PLXNA4: variants seen among roughly 807,000 people sequenced by gnomAD.
PLXNA4 encodes plexin A4, also known as plexin-A4.
In PLXNA4, 44 loss-of-function variants were observed where a neutral mutation model predicts 191.8. The observed-to-expected ratio is 0.23, with a 90% confidence interval of 0.18 to 0.29. PLXNA4 has a LOEUF of 0.29. PLXNA4 is among the 10% of genes least tolerant of loss of function. The pLI, the probability that PLXNA4 is intolerant of heterozygous loss-of-function variation, is 1.00. For synonymous variants in PLXNA4, 1,082 were observed against 1,009.5 expected (o/e 1.07, Z -1.36); for missense variants, 1,800 against 2,488.8 (o/e 0.72, Z 5.89).
chr7:132,599,259 T>C (rs1253686924), intron 2 of PLXNA4, among the ~76,000 whole-genome samples: 1 of 152,226 alleles, frequency 6.6e-6, no homozygotes, highest in Non-Finnish European at 1.5e-5. Context: ...AGTAGATGCA[T>C]TGAGCTCTGT....
At chr7:132,543,124 C>T (rs926233925) in intron 1 of PLXNA4, among the ~76,000 whole-genome samples, 2 of 152,134 alleles carry the variant, frequency 1.3e-5, no homozygotes, top group African/African-American at 4.8e-5. Flanking sequence ...AGGTATCTTC[C>T]TCCAGATAGT....
At chr7:132,491,009 C>G (rs1797774796) in intron 2 of PLXNA4, among the ~76,000 whole-genome samples, 1 of 152,110 alleles carries the variant, frequency 6.6e-6, no homozygotes, top group African/African-American at 2.4e-5. Flanking sequence ...GCCCTCGGCA[C>G]TCCCCACAAG....
At chr7:132,337,028 C>T (rs1477270261) in intron 3 of PLXNA4, among the ~76,000 whole-genome samples, 1 of 152,240 alleles carries the variant, frequency 6.6e-6, no homozygotes. Flanking sequence ...TCTCTCAATC[C>T]ACTTTGCTGT....
intron 2 of PLXNA4, among the ~76,000 whole-genome samples, chr7:132,506,424 A>G (rs1798466777): frequency 6.6e-6 from 1 of 152,214 alleles, no homozygotes; most frequent in South Asian, 2.1e-4. Flanking sequence ...CAATGGATAC[A>G]TTTTCCTTTC....
chr7:132,211,688 G>T (rs1797806730), intron 9 of PLXNA4, among the ~76,000 whole-genome samples: 1 of 152,174 alleles, frequency 6.6e-6, no homozygotes, highest in Non-Finnish European at 1.5e-5. Flanking sequence ...TCTGGAATGG[G>T]CCCCAGAGGC....
intron 3 of PLXNA4, among the ~76,000 whole-genome samples, chr7:132,321,851 G>A (rs1802180902): frequency 6.6e-6 from 1 of 152,120 alleles, no homozygotes; most frequent in Non-Finnish European, 1.5e-5. Flanking sequence ...AGTTTCTGGG[G>A]AGGAGGGAAG....
chr7:132,384,377 G>A (rs1221793388), intron 3 of PLXNA4: 1 of 985,494 alleles, frequency 1.0e-6, no homozygotes, highest in African/African-American at 1.7e-5. Context: ...AGGAGCACAT[G>A]ACACCAAGTG....
At chr7:132,161,870 T>C (rs1476575554) in intron 24 of PLXNA4, among the ~76,000 whole-genome samples, 1 of 152,150 alleles carries the variant, frequency 6.6e-6, no homozygotes, top group Non-Finnish European at 1.5e-5. Flanking sequence ...AGTGGGCTTC[T>C]AGGTAGGCAT....
At chr7:132,566,532 T>C (rs951061529) in intron 1 of PLXNA4, among the ~76,000 whole-genome samples, 1 of 152,200 alleles carries the variant, frequency 6.6e-6, no homozygotes, top group Non-Finnish European at 1.5e-5. Flanking sequence ...TGTGTCTTAA[T>C]AACTCAAGCT....
chr7:132,159,919 G>A (rs573717397), intron 24 of PLXNA4, among the ~76,000 whole-genome samples: 16 of 152,300 alleles, frequency 1.1e-4, no homozygotes, highest in South Asian at 2.1e-4. Flanking sequence ...TTTTCAAAGG[G>A]ACAATGCCCA....
chr7:132,400,691 C>T (rs1793949538), intron 3 of PLXNA4, among the ~76,000 whole-genome samples: 1 of 152,138 alleles, frequency 6.6e-6, no homozygotes, highest in African/African-American at 2.4e-5. Flanking sequence ...ACTTCCTAGC[C>T]TCACCAGCGT....
intron 4 of PLXNA4, among the ~76,000 whole-genome samples, chr7:132,292,780 G>A (rs1386960838): frequency 2.0e-5 from 3 of 152,150 alleles, no homozygotes; most frequent in Admixed American, 6.5e-5. Context: ...GCAGCAGAAG[G>A]GAGTAAACAA....
intron 3 of PLXNA4, among the ~76,000 whole-genome samples, chr7:132,334,483 C>G (rs1313189845): frequency 6.6e-6 from 1 of 151,882 alleles, no homozygotes. Flanking sequence ...GTCTCAAACT[C>G]CTGGCCCCAA....
intron 30 of PLXNA4, among the ~76,000 whole-genome samples, chr7:132,139,719 G>T (rs558730171): frequency 1.3e-5 from 2 of 152,216 alleles, no homozygotes; most frequent in African/African-American, 4.8e-5. Flanking sequence ...AAGTAGGAAG[G>T]TTATTTGGGA....
At chr7:132,560,291 G>A (rs574675143) in intron 1 of PLXNA4, among the ~76,000 whole-genome samples, 14 of 152,188 alleles carry the variant, frequency 9.2e-5, no homozygotes, top group South Asian at 2.1e-4. Flanking sequence ...TTGCTCTATA[G>A]CACTCTGGGT....
rs578182831 is a variant in PLXNA4 at position 132,362,388 on chromosome 7, C to T, written c.1372-64166G>A. Reference sequence around the variant, plus strand: ...TGGTGTAACTAGCCCCCTTGCTCTCCAAAGAGGAACACACGCTTTCTATGC... The same window carrying T: ...TGGTGTAACTAGCCCCCTTGCTCTCTAAAGAGGAACACACGCTTTCTATGC... On this transcript the variant is annotated intron_variant, in intron 3 of 31. Coordinates refer to ENST00000321063, the MANE Select transcript of PLXNA4 (RefSeq NM_020911.2). Among the ~76,000 whole-genome samples, 28 of 152,306 alleles carry T rather than the reference C, an allele frequency of 1.8e-4. No homozygotes were observed. The South Asian group carries it at 5.8e-3, about 32-fold the overall frequency.
chr7:132,510,055 C>G (rs1380651738), intron 1 of PLXNA4, among the ~76,000 whole-genome samples: 4 of 152,228 alleles, frequency 2.6e-5, no homozygotes, highest in Admixed American at 2.6e-4. Context: ...ACTCCCCATC[C>G]TGAGGGTCTC....
intron 3 of PLXNA4, chr7:132,485,046 G>A (rs1563126407): frequency 1.2e-6 from 2 of 1,600,692 alleles, no homozygotes; most frequent in East Asian, 4.5e-5. Flanking sequence ...TTTTAAAACA[G>A]GCTTGAGAAA....
At chr7:132,209,599 G>C (rs1034412977) in intron 10 of PLXNA4, among the ~76,000 whole-genome samples, 4 of 152,184 alleles carry the variant, frequency 2.6e-5, no homozygotes, top group African/African-American at 9.7e-5. Context: ...GGGTTTCAGA[G>C]GTTGTGAGAG....
Sources: gnomAD v4.1 joint callset for allele counts (sites outside exome capture counted in the v4.1 genomes callset) on GRCh38, gnomAD v4.1.1 for gene constraint, MANE v1.5 for transcripts, NCBI Gene and HGNC (gene_info 2026-07-23, HGNC 2026-07-21) for gene names.